TRIM71: variants seen among roughly 807,000 people sequenced by gnomAD.
TRIM71 encodes E3 ubiquitin-protein ligase TRIM71.
TRIM71 carries 9 observed loss-of-function variants against 61.2 expected under a neutral mutation model. That is an observed-to-expected ratio of 0.15 (90% CI 0.09 to 0.26). The LOEUF is 0.26. Among genes scored for constraint, TRIM71 ranks in the 10% least tolerant of loss-of-function variants. The pLI is 1.00. For synonymous variants in TRIM71, 645 were observed against 553.2 expected (o/e 1.17, Z -2.33); for missense variants, 998 against 1,238.7 (o/e 0.81, Z 2.92).
chr3:32,818,349 G>A lies in TRIM71; in HGVS notation c.269G>A (p.Arg90His), dbSNP rs919801830. The change falls in exon 1 of 4, where the codon CGC becomes CAC. Residue 90 changes from arginine (R) to histidine (H), a missense_variant. Transcript: ENST00000383763. ...GGAAGEPLKLRCPVCDQKVVL... is the reference protein window; with the variant it reads ...GGAAGEPLKLHCPVCDQKVVL... ...GCGGCGGGAGAGCCGCTCAAGCTGC[G>A]CTGCCCCGTGTGCGACCAGAAAGTA... is the stretch of plus-strand genomic sequence containing the variant. The A allele has an allele frequency of 1.1e-4, 155 of 1,475,054 alleles. No individual in the cohort carries two copies. The highest frequency in any genetic ancestry group is 1.3e-4 in the Non-Finnish European group (146 of 1,118,290). 91.4% of individuals were successfully genotyped at this position (1,475,054 alleles called of 1,614,324 possible). A position where few individuals can be genotyped will look rare whatever the true frequency, so the allele number is the denominator to read the frequency against.
chr3:32,834,993 C>A (rs141892112), intron 1 of TRIM71, among the ~76,000 whole-genome samples: 1 of 152,258 alleles, frequency 6.6e-6, no homozygotes, highest in East Asian at 1.9e-4. Flanking sequence ...CTTAATTTTT[C>A]CAGATTTTTT....
Position 32,893,876 on chromosome 3 carries a change from C to G in TRIM71, c.*2065C>G, listed in dbSNP as rs995887452. ...ATGGGAAGGAAAAAAAAAACCTCATCTCACAGAGGAGAACTGCATGCAATA... is the reference window on the plus strand; with the variant it reads ...ATGGGAAGGAAAAAAAAAACCTCATGTCACAGAGGAGAACTGCATGCAATA... On this transcript the variant is annotated 3_prime_UTR_variant, in exon 4 of 4. Transcript: ENST00000383763. 2.0e-5 allele frequency: 3 copies of G among 152,030 alleles called. No homozygotes were observed. Among genetic ancestry groups the G allele is most frequent in the Non-Finnish European group, 4.4e-5 (3 of 68,004 alleles). 9.4% of individuals were successfully genotyped at this position (152,030 alleles called of 1,614,324 possible).
chr3:32,818,337 C>A lies in TRIM71; in HGVS notation c.257C>A (p.Pro86Gln). ...GCGGGCGGCGGCGCGGCGGGAGAGC[C>A]GCTCAAGCTGCGCTGCCCCGTGTGC... Reference protein sequence around the residue: ...PAAGGGAAGEPLKLRCPVCDQ... With the variant: ...PAAGGGAAGEQLKLRCPVCDQ... The change falls in exon 1 of 4, where the codon CCG becomes CAG. Residue 86 changes from proline to glutamine, a missense_variant. Physicochemically the swap from Pro to Gln is moderately conservative, Grantham distance 76. This residue lies in a region of TRIM71 where 527 missense variants were observed against 427.8 expected (regional missense o/e 1.23). Coordinates refer to ENST00000383763, the MANE Select transcript of TRIM71 (RefSeq NM_001039111.3). 1 of 1,449,362 alleles carries A rather than the reference C, an allele frequency of 6.9e-7. No homozygotes were observed. Among genetic ancestry groups the A allele is most frequent in the Non-Finnish European group, 9.0e-7 (1 of 1,105,750 alleles). The allele number at this position is 1,449,362 out of a possible 1,614,324, so 89.8% of individuals were successfully genotyped here.
chr3:32,883,764 A>G (rs1696932880), intron 2 of TRIM71, among the ~76,000 whole-genome samples: 1 of 152,202 alleles, frequency 6.6e-6, no homozygotes, highest in African/African-American at 2.4e-5. Flanking sequence ...TAAAATTTAT[A>G]GATTGTTCTG....
intron 1 of TRIM71, 142 bp downstream of exon 1, chr3:32,819,074 G>C (rs1696098564): frequency 1.1e-6 from 1 of 917,658 alleles, no homozygotes; most frequent in East Asian, 2.4e-5. Context: ...GGCAGTCCTT[G>C]CTACCAAAGT....
At chr3:32,820,357 G>T (rs1341029235) in intron 1 of TRIM71, among the ~76,000 whole-genome samples, 1 of 152,226 alleles carries the variant, frequency 6.6e-6, no homozygotes, top group Non-Finnish European at 1.5e-5. Context: ...CTTGTTGTAG[G>T]CATCTCCTTT....
At chr3:32,836,662 G>A (rs750725826) in intron 1 of TRIM71, among the ~76,000 whole-genome samples, 1 of 152,198 alleles carries the variant, frequency 6.6e-6, no homozygotes, top group Non-Finnish European at 1.5e-5. Context: ...GTCTGTTAGT[G>A]AATGGTTTCT....
In TRIM71 at chr3:32,891,969, A is replaced by G; in HGVS notation, c.*158A>G. The G allele has an allele frequency of 9.3e-7, 1 of 1,073,610 alleles. No individual in the cohort carries two copies. The highest frequency in any genetic ancestry group is 1.3e-6 in the Non-Finnish European group (1 of 779,526). The allele number at this position is 1,073,610 out of a possible 1,614,324, so 66.5% of individuals were successfully genotyped here. A position where few individuals can be genotyped will look rare whatever the true frequency, so the allele number is the denominator to read the frequency against. On this transcript the variant is annotated 3_prime_UTR_variant, in exon 4 of 4. Transcript: ENST00000383763. This position sits in a 1 kb window ranked among gnomAD's most constrained non-coding sequence, Gnocchi z 8.2. ...TTTTAAAGAGAACAAGAAAAGTACA[A>G]CATTGCTTAAGTCCTACCTCATCTT...
intron 1 of TRIM71, among the ~76,000 whole-genome samples, chr3:32,868,702 A>ATTTTT (rs1299364071): frequency 2.1e-5 from 3 of 142,050 alleles, no homozygotes. Context: ...TTTTTTTTTA[A>ATTTTT]AAAACTGTTT....
rs1164122236 is a variant in TRIM71 at position 32,896,939 on chromosome 3, C to T, written c.*5128C>T. 6.6e-6 allele frequency: 1 copy of T among 151,602 alleles called. No individual in the cohort carries two copies. The highest frequency in any genetic ancestry group is 2.4e-5 in the African/African-American group (1 of 41,372). 9.4% of individuals were successfully genotyped at this position (151,602 alleles called of 1,614,324 possible). ...TGTCTTTCTTCAGAGGAAGATTTTT[C>T]ACATTTCTGGGGTTTTCTTGCTTTT... is the stretch of plus-strand genomic sequence containing the variant. On this transcript the variant is annotated 3_prime_UTR_variant, in exon 4 of 4. Coordinates refer to ENST00000383763, the MANE Select transcript of TRIM71 (RefSeq NM_001039111.3).
intron 3 of TRIM71, among the ~76,000 whole-genome samples, chr3:32,887,200 G>A (rs1696970333): frequency 6.6e-6 from 1 of 152,102 alleles, no homozygotes; most frequent in African/African-American, 2.4e-5. Flanking sequence ...GTGTGTGGGG[G>A]TTTCTGCCGC....
chr3:32,847,801 A>T (rs1451400282), intron 1 of TRIM71, among the ~76,000 whole-genome samples: 1 of 152,088 alleles, frequency 6.6e-6, no homozygotes, highest in Non-Finnish European at 1.5e-5. Flanking sequence ...GGCTCTCAAT[A>T]TGGGGCTGGT....
chr3:32,847,163 TA>T, intron 1 of TRIM71, among the ~76,000 whole-genome samples: 1 of 151,370 alleles, frequency 6.6e-6, no homozygotes, highest in Non-Finnish European at 1.5e-5. Context: ...CAGCTTGGAC[TA>T]CAGGCTCTCG....
At position 32,891,840 on chromosome 3, in the gene TRIM71, G is replaced by GT; in HGVS notation, c.*30dup. ...CATTTCCTAGGTTTCTGTGTTTGGG[G>GT]TGTGTGTGCGTGTCTCTCTCTCTCT... On this transcript the variant is annotated 3_prime_UTR_variant, in exon 4 of 4. Coordinates refer to ENST00000383763, the MANE Select transcript of TRIM71 (RefSeq NM_001039111.3). The surrounding 1 kb of genome is among the most constrained non-coding windows in gnomAD (Gnocchi z 8.2). 1.3e-6 allele frequency: 2 copies of GT among 1,591,006 alleles called. No homozygotes were observed. Among genetic ancestry groups the GT allele is most frequent in the Non-Finnish European group, 1.7e-6 (2 of 1,170,506 alleles).
In TRIM71 at chr3:32,890,244, A is replaced by G; in HGVS notation, c.1156-116A>G. The G allele has an allele frequency of 7.3e-7, 1 of 1,375,910 alleles. No homozygotes were observed. Among genetic ancestry groups the G allele is most frequent in the Non-Finnish European group, 9.8e-7 (1 of 1,015,520 alleles). 85.2% of individuals were successfully genotyped at this position (1,375,910 alleles called of 1,614,324 possible). A position where few individuals can be genotyped will look rare whatever the true frequency, so the allele number is the denominator to read the frequency against. The stretch of plus-strand genomic sequence containing the variant: ...GAAAGACAGATGTCTTTTGTAGACC[A>G]TCCCACAATATGTGTTTGTCTGATG... On this transcript the variant is annotated intron_variant, in intron 3 of 3. Transcript: ENST00000383763. This position sits in a 1 kb window ranked among gnomAD's most constrained non-coding sequence, Gnocchi z 6.2.
At chr3:32,848,223 T>C (rs142225938) in intron 1 of TRIM71, among the ~76,000 whole-genome samples, 10 of 152,360 alleles carry the variant, frequency 6.6e-5, no homozygotes, top group South Asian at 2.1e-4. Context: ...TAGATACTTA[T>C]GCTATACTGT....
intron 1 of TRIM71, among the ~76,000 whole-genome samples, chr3:32,869,418 CA>C (rs1696773187): frequency 6.6e-6 from 1 of 152,236 alleles, no homozygotes. Context: ...TTACATTCTT[CA>C]CTGATAGGGG....
intron 1 of TRIM71, among the ~76,000 whole-genome samples, chr3:32,867,683 T>A (rs1244021153): frequency 6.6e-6 from 1 of 152,196 alleles, no homozygotes; most frequent in Non-Finnish European, 1.5e-5. Flanking sequence ...AGTATGTATA[T>A]TGAGCTAATT....
At chr3:32,824,220 C>G (rs1369458991) in intron 1 of TRIM71, among the ~76,000 whole-genome samples, 1 of 152,084 alleles carries the variant, frequency 6.6e-6, no homozygotes, top group Non-Finnish European at 1.5e-5. Flanking sequence ...TCTTGTTATC[C>G]AGGCTGGAGT....
Sources: gnomAD v4.1 joint callset for allele counts (sites outside exome capture counted in the v4.1 genomes callset) on GRCh38, gnomAD v4.1.1 for gene constraint, gnomAD v4.1.1 regional missense constraint, Gnocchi (gnomAD v3.1) non-coding constraint, MANE v1.5 for transcripts, NCBI Gene and HGNC (gene_info 2026-07-23, HGNC 2026-07-21) for gene names.